ZNF704: variants seen among roughly 807,000 people sequenced by gnomAD.
ZNF704 encodes the protein zinc finger protein 704, also known as glucocorticoid induced gene 1.
A neutral mutation model predicts 44.7 loss-of-function variants in ZNF704; 10 were observed. That is an observed-to-expected ratio of 0.22 (90% CI 0.14 to 0.38). The LOEUF (loss-of-function observed/expected upper bound fraction) is 0.38. ZNF704 is among the 10% of genes least tolerant of loss of function. ZNF704 has a pLI of 1.00. For missense variants in ZNF704, 390 were observed against 545.5 expected (o/e 0.71, Z 2.84); for synonymous variants, 211 against 207.6 (o/e 1.02, Z -0.14).
rs979746807 is a variant in ZNF704, at chr8:80,630,567, T to C, written c.*10799A>G. 1 of 152,230 alleles carries C rather than the reference T, an allele frequency of 6.6e-6. No homozygotes were observed. Among genetic ancestry groups the C allele is most frequent in the Admixed American group, 6.5e-5 (1 of 15,280 alleles). The allele number at this position is 152,230 out of a possible 1,614,324, so 9.4% of individuals were successfully genotyped here. A position where few individuals can be genotyped will look rare whatever the true frequency, so the allele number is the denominator to read the frequency against. On this transcript the variant is annotated 3_prime_UTR_variant, in exon 9 of 9. Coordinates refer to ENST00000327835, the MANE Select transcript of ZNF704 (RefSeq NM_001033723.3). ...TTTAAAGTTTCCTTAAACATTGTCATGGACTAAGGGCAACAGAGGTTTTGT... is the reference window on the plus strand; with the variant it reads ...TTTAAAGTTTCCTTAAACATTGTCACGGACTAAGGGCAACAGAGGTTTTGT...
rs57165735 is a variant in ZNF704, at chr8:80,812,943, A to G, written c.221+8431T>C. Among the ~76,000 whole-genome samples, 574 of 152,284 alleles carry G rather than the reference A, an allele frequency of 3.8e-3. 5 individuals are homozygous for G. Among genetic ancestry groups the G allele is most frequent in the African/African-American group, 9.9e-3 (413 of 41,576 alleles). On this transcript the variant is annotated intron_variant, in intron 2 of 8. Transcript: ENST00000327835. ...GAGTTTTAAGAATCTCATTATTTCT[A>G]TTTCTTGATTATTTACATTTTGAGT...
chr8:80,884,222 C>G, the ZNF704 span, among the ~76,000 whole-genome samples: 2 of 152,158 alleles, frequency 1.3e-5, no homozygotes, highest in African/African-American at 4.8e-5. Context: ...TCCTTCCGGT[C>G]GACAATGTGC....
chr8:80,788,638 G>C (rs1007628318), intron 2 of ZNF704, among the ~76,000 whole-genome samples: 2 of 152,174 alleles, frequency 1.3e-5, no homozygotes, highest in African/African-American at 4.8e-5. Context: ...AAGGATCTTA[G>C]GTCTATGAGG....
At chr8:80,854,870 A>T (rs1245777596) in intron 1 of ZNF704, among the ~76,000 whole-genome samples, 2 of 152,126 alleles carry the variant, frequency 1.3e-5, no homozygotes, top group African/African-American at 2.4e-5. Flanking sequence ...TAATTTTTTT[A>T]AAGTTTTTAA....
At chr8:80,692,660 G>C (rs2131637017) in intron 3 of ZNF704, among the ~76,000 whole-genome samples, 1 of 152,258 alleles carries the variant, frequency 6.6e-6, no homozygotes, top group South Asian at 2.1e-4. Flanking sequence ...CAGTCAAACA[G>C]AAATAATGCT....
intron 2 of ZNF704, among the ~76,000 whole-genome samples, chr8:80,759,328 C>T (rs1807090199): frequency 6.7e-6 from 1 of 149,754 alleles, no homozygotes; most frequent in Admixed American, 6.7e-5. Flanking sequence ...CACCTGCATA[C>T]AAGCTTTGGA....
chr8:80,758,148 T>C (rs1427531353), intron 2 of ZNF704, among the ~76,000 whole-genome samples: 1 of 152,202 alleles, frequency 6.6e-6, no homozygotes, highest in Non-Finnish European at 1.5e-5. Context: ...TCATCGGAAG[T>C]ATTTCCAGTC....
In ZNF704 at chr8:80,685,945, T is replaced by C. The variant is rs1350277962; in HGVS notation, c.558+1281A>G. ...TGGATTTTTGTTTGTGAACAGCCATTCATAATGAAGCTACCAATACAACAT... is the reference window on the plus strand; with the variant it reads ...TGGATTTTTGTTTGTGAACAGCCATCCATAATGAAGCTACCAATACAACAT... On this transcript the variant is annotated intron_variant, in intron 4 of 8. Coordinates refer to ENST00000327835, the MANE Select transcript of ZNF704 (RefSeq NM_001033723.3). 2.6e-5 allele frequency among the ~76,000 whole-genome samples: 4 copies of C among 152,334 alleles called. No homozygotes were observed. In the East Asian group the frequency reaches 7.7e-4, roughly 29 times the overall value.
At chr8:80,766,370 C>T (rs1807227341) in intron 2 of ZNF704, among the ~76,000 whole-genome samples, 1 of 152,104 alleles carries the variant, frequency 6.6e-6, no homozygotes, top group Non-Finnish European at 1.5e-5. Flanking sequence ...AATAATGATA[C>T]GAACACCCAG....
intron 2 of ZNF704, among the ~76,000 whole-genome samples, chr8:80,787,407 CA>C (rs1807633157): frequency 6.6e-6 from 1 of 152,160 alleles, no homozygotes; most frequent in South Asian, 2.1e-4. Flanking sequence ...CTCAGAAAAG[CA>C]ATAACACAAA....
intron 2 of ZNF704, among the ~76,000 whole-genome samples, chr8:80,758,256 T>C (rs943570641): frequency 6.6e-6 from 1 of 152,160 alleles, no homozygotes; most frequent in Non-Finnish European, 1.5e-5. Context: ...GGAGCAGAGG[T>C]GCATTAAAAG....
intron 1 of ZNF704, among the ~76,000 whole-genome samples, chr8:80,843,875 T>C (rs995887404): frequency 2.6e-5 from 4 of 151,956 alleles, no homozygotes; most frequent in Non-Finnish European, 5.9e-5. Context: ...AAAGTCATCA[T>C]GAATTCAACA....
chr8:80,681,206 G>T (rs1436561304), intron 4 of ZNF704, among the ~76,000 whole-genome samples: 6 of 152,118 alleles, frequency 3.9e-5, no homozygotes, highest in Non-Finnish European at 7.4e-5. Context: ...TTGTGGACAT[G>T]TGTTTTCTTA....
chr8:80,633,214 T>C lies in ZNF704; in HGVS notation c.*8152A>G, dbSNP rs978031985. The C allele has an allele frequency of 3.3e-5, 5 of 152,254 alleles. No individual in the cohort carries two copies. Among genetic ancestry groups the C allele is most frequent in the African/African-American group, 1.2e-4 (5 of 41,480 alleles). 9.4% of individuals were successfully genotyped at this position (152,254 alleles called of 1,614,324 possible). ...GTTTTGATTTGATCATTACAGATTA[T>C]AAATTTGAGCTGGTTTTAAAATTTC... On this transcript the variant is annotated 3_prime_UTR_variant, in exon 9 of 9. Coordinates refer to ENST00000327835, the MANE Select transcript of ZNF704 (RefSeq NM_001033723.3).
At chr8:80,753,921 A>G (rs1300238927) in intron 2 of ZNF704, among the ~76,000 whole-genome samples, 1 of 152,174 alleles carries the variant, frequency 6.6e-6, no homozygotes, top group Admixed American at 6.5e-5. Context: ...GTTTTGCTAC[A>G]TGAACATCTA....
chr8:80,820,628 A>C (rs1430907303), intron 2 of ZNF704, among the ~76,000 whole-genome samples: 2 of 152,108 alleles, frequency 1.3e-5, no homozygotes, highest in Non-Finnish European at 2.9e-5. Flanking sequence ...GGCCAGGCAC[A>C]GTAACTCATG....
At chr8:80,803,928 C>T (rs1249879357) in intron 2 of ZNF704, among the ~76,000 whole-genome samples, 1 of 152,072 alleles carries the variant, frequency 6.6e-6, no homozygotes, top group Admixed American at 6.5e-5. Flanking sequence ...TTTTTGCCAT[C>T]TATCCATCTG....
At chr8:80,791,508 G>A (rs1197217047) in intron 2 of ZNF704, among the ~76,000 whole-genome samples, 1 of 152,186 alleles carries the variant, frequency 6.6e-6, no homozygotes, top group East Asian at 1.9e-4. Context: ...TGTTTAGTGG[G>A]GAGATAACTG....
chr8:80,738,470 T>C (rs1281835004), intron 2 of ZNF704, among the ~76,000 whole-genome samples: 1 of 152,180 alleles, frequency 6.6e-6, no homozygotes, highest in East Asian at 1.9e-4. Context: ...TTGTTCCTAC[T>C]TTCTAGATAA....
Sources: gnomAD v4.1 joint callset for allele counts (sites outside exome capture counted in the v4.1 genomes callset) on GRCh38, gnomAD v4.1.1 for gene constraint, MANE v1.5 for transcripts, NCBI Gene and HGNC (gene_info 2026-07-23, HGNC 2026-07-21) for gene names.